ENOX2: variants seen among roughly 807,000 people sequenced by gnomAD.
ENOX2 encodes the protein ecto-NOX disulfide-thiol exchanger 2.
A neutral mutation model predicts 45.0 loss-of-function variants in ENOX2; 36 were observed. The observed-to-expected ratio is 0.80, with a 90% CI of 0.61 to 1.06. The LOEUF (loss-of-function observed/expected upper bound fraction) is 1.06, where lower values mean the gene tolerates loss of function less well. Ranked by LOEUF, ENOX2 falls within the 50% of genes least tolerant of loss-of-function variation. The pLI, the probability that ENOX2 is intolerant of heterozygous loss-of-function variation, is 0.00. For synonymous variants in ENOX2, 174 were observed against 152.3 expected, an observed-to-expected ratio of 1.14 and a Z score of -1.05; for missense variants, 423 against 462.5, an observed-to-expected ratio of 0.91 and a Z score of 0.78.
intron 3 of ENOX2, among the ~76,000 whole-genome samples, chrX:130,732,693 T>C (rs1434286480): frequency 9.8e-6 from 1 of 101,707 alleles, no homozygotes; most frequent in Non-Finnish European, 2.0e-5. Context: ...CAGAAATAAA[T>C]CCATTCACAC....
At chrX:130,821,741 T>TAAAAAAAAAAAAAAAAAA (rs1569505783) in intron 2 of ENOX2, among the ~76,000 whole-genome samples, 5 of 24,201 alleles carry the variant, frequency 2.1e-4, no homozygotes, top group Non-Finnish European at 3.8e-4. Context: ...AATAAATAAA[T>TAAAAAAAAAAAAAAAAAA]TAAAAAAAAA....
At chrX:130,694,753 C>A (rs1168187788) in intron 4 of ENOX2, among the ~76,000 whole-genome samples, 1 of 109,255 alleles carries the variant, frequency 9.2e-6, no homozygotes, top group Non-Finnish European at 1.9e-5. Context: ...CAAGCACGCG[C>A]CAATATGCCC....
At position 130,625,226 on chromosome X, in the gene ENOX2, C is replaced by T. The variant is rs987306933; in HGVS notation, c.*88G>A. ...ACTGACAAATTCAAAGGAACTTCCA[C>T]TTGAAAACCATTAAAAATATAAATC... On this transcript the variant is annotated 3_prime_UTR_variant, in exon 15 of 15. Transcript: ENST00000394363. 2 of 1,047,446 alleles carry T rather than the reference C, an allele frequency of 1.9e-6. No homozygotes were observed. Among genetic ancestry groups the T allele is most frequent in the East Asian group, 6.3e-5 (2 of 31,959 alleles). The allele number at this position is 1,047,446 out of a possible 1,213,427, so 86.3% of individuals were successfully genotyped here.
chrX:130,675,113 T>G (rs1194275526), intron 6 of ENOX2, among the ~76,000 whole-genome samples: 1 of 109,426 alleles, frequency 9.1e-6, no homozygotes, highest in Admixed American at 9.8e-5. Flanking sequence ...GCATGATTTA[T>G]AGTCCTTTGG....
chrX:130,862,565 G>C (rs1256750200), intron 2 of ENOX2, among the ~76,000 whole-genome samples: 1 of 109,228 alleles, frequency 9.2e-6, no homozygotes, highest in African/African-American at 3.3e-5. Flanking sequence ...TTAAGACTCT[G>C]AGTATGTGTG....
At chrX:130,811,820 A>C (rs1227086237) in intron 2 of ENOX2, among the ~76,000 whole-genome samples, 1 of 112,652 alleles carries the variant, frequency 8.9e-6, no homozygotes, top group South Asian at 3.6e-4. Context: ...AAATAAAAAA[A>C]CAATAAATGA....
intron 3 of ENOX2, among the ~76,000 whole-genome samples, chrX:130,720,346 C>T (rs1249086835): frequency 1.8e-5 from 2 of 112,449 alleles, no homozygotes; most frequent in African/African-American, 6.5e-5. Context: ...AGAGGCAGCC[C>T]TCCTGGCCCA....
chrX:130,902,087 T>G (rs2079151671), intron 1 of ENOX2, among the ~76,000 whole-genome samples: 2 of 111,305 alleles, frequency 1.8e-5, no homozygotes, highest in Admixed American at 1.9e-4. Flanking sequence ...CTTCAGCACT[T>G]CCCGGGTTAG....
chrX:130,865,523 A>G (rs1337138879), intron 2 of ENOX2, among the ~76,000 whole-genome samples: 1 of 112,177 alleles, frequency 8.9e-6, no homozygotes, highest in East Asian at 2.8e-4. Flanking sequence ...TTTTTCTTCA[A>G]TATGCTTATA....
At chrX:130,793,258 G>C (rs1243651580) in intron 2 of ENOX2, among the ~76,000 whole-genome samples, 1 of 112,720 alleles carries the variant, frequency 8.9e-6, no homozygotes, top group Non-Finnish European at 1.9e-5. Flanking sequence ...AATGGAATAA[G>C]AACATTTGAG....
chrX:130,731,804 C>CT (rs1276026617), intron 3 of ENOX2, among the ~76,000 whole-genome samples: 1 of 111,620 alleles, frequency 9.0e-6, no homozygotes, highest in Non-Finnish European at 1.9e-5. Context: ...ATTCAACACC[C>CT]TTTTTTGATA....
intron 2 of ENOX2, among the ~76,000 whole-genome samples, chrX:130,813,585 C>T (rs1332814053): frequency 4.5e-5 from 5 of 111,701 alleles, no homozygotes; most frequent in Non-Finnish European, 9.4e-5. Context: ...AGACAGTGGG[C>T]ACAGCCCAAG....
intron 2 of ENOX2, among the ~76,000 whole-genome samples, chrX:130,853,925 C>T (rs1357517207): frequency 1.8e-5 from 2 of 111,261 alleles, no homozygotes; most frequent in Admixed American, 9.6e-5. Context: ...AGGTAATGAC[C>T]ACTTCCCCTG....
At chrX:130,876,467 G>A (rs2078704095) in intron 2 of ENOX2, among the ~76,000 whole-genome samples, 1 of 111,538 alleles carries the variant, frequency 9.0e-6, no homozygotes, top group African/African-American at 3.3e-5. Context: ...AGGAAATTGG[G>A]AGTTAAAGGC....
chrX:130,890,150 G>T (rs912351820), intron 2 of ENOX2, among the ~76,000 whole-genome samples: 2 of 111,654 alleles, frequency 1.8e-5, no homozygotes, highest in African/African-American at 3.3e-5. Flanking sequence ...CAGGAAAGAT[G>T]ATTTTTTTTT....
At chrX:130,858,124 T>TC (rs1199444684) in intron 2 of ENOX2, among the ~76,000 whole-genome samples, 1 of 107,302 alleles carries the variant, frequency 9.3e-6, no homozygotes, top group East Asian at 2.9e-4. Flanking sequence ...CTTTTTTTTT[T>TC]TTTTTTTTTA....
chrX:130,787,396 C>A lies in ENOX2; in HGVS notation c.-182-3706G>T, dbSNP rs754757447. Among the ~76,000 whole-genome samples, 4 of 111,712 alleles carry A rather than the reference C, an allele frequency of 3.6e-5. No individual in the cohort carries two copies. The South Asian group carries it at 1.5e-3, about 42-fold the overall frequency. Reference sequence around the variant, plus strand: ...AGAACATTCAGCATAACATCTGGCACATAGTAGATGTTCAATAAGTATTAA... The same window carrying A: ...AGAACATTCAGCATAACATCTGGCAAATAGTAGATGTTCAATAAGTATTAA... On this transcript the variant is annotated intron_variant, in intron 2 of 14. Transcript: ENST00000394363.
chrX:130,732,144 T>G (rs922668721), intron 3 of ENOX2, among the ~76,000 whole-genome samples: 1 of 111,955 alleles, frequency 8.9e-6, no homozygotes, highest in Non-Finnish European at 1.9e-5. Context: ...TAAACAAATA[T>G]AGTAAAATTG....
chrX:130,693,373 A>C (rs1343194971), intron 4 of ENOX2, among the ~76,000 whole-genome samples: 1 of 112,246 alleles, frequency 8.9e-6, no homozygotes, highest in African/African-American at 3.2e-5. Flanking sequence ...ATTTTATATA[A>C]TCACATTCTA....
Sources: allele counts gnomAD v4.1 joint callset (sites outside exome capture counted in the v4.1 genomes callset), GRCh38; gene constraint gnomAD v4.1.1; transcripts MANE v1.5; gene names NCBI Gene and HGNC (gene_info 2026-07-23, HGNC 2026-07-21).